RBFOX1: variants seen among roughly 807,000 people sequenced by gnomAD.
The protein encoded by RBFOX1 is RNA binding fox-1 homolog 1, also known as RNA binding protein fox-1 homolog 1.
In RBFOX1, 8 loss-of-function variants were observed where a neutral mutation model predicts 57.7. The ratio of observed to expected loss-of-function variants is 0.14; its 90% CI spans 0.08 to 0.25. The LOEUF is 0.25. Ranked by LOEUF, RBFOX1 falls within the 10% of genes least tolerant of loss-of-function variation. The pLI is 1.00. For synonymous variants in RBFOX1, 326 were observed against 222.4 expected (o/e 1.47, Z -4.15); for missense variants, 611 against 548.5 (o/e 1.11, Z -1.14).
At chr16:6,519,970 G>T (rs1410253749) in intron 2 of RBFOX1, among the ~76,000 whole-genome samples, 3 of 152,096 alleles carry the variant, frequency 2.0e-5, no homozygotes, top group African/African-American at 4.8e-5. Context: ...CAGTAGGCAT[G>T]GTATTAAACT....
chr16:5,780,057 G>A lies in RBFOX1; in HGVS notation c.319-87246G>A, dbSNP rs572099953. ...CTTGCTGTGTCGCCCCGGCTGGAGT[G>A]TAGTGGCACAATCTCGGCTCACTGA... is the stretch of plus-strand genomic sequence containing the variant. On this transcript the variant is annotated intron_variant, in intron 3 of 19. Coordinates refer to the RBFOX1 transcript ENST00000641259. Among the ~76,000 whole-genome samples the A allele has an allele frequency of 1.1e-3, 168 of 152,350 alleles. 2 individuals carry two copies. Among genetic ancestry groups the A allele is most frequent in the African/African-American group, 3.8e-3 (158 of 41,582 alleles).
intron 4 of RBFOX1, chr16:7,510,145 A>G: frequency 1.0e-6 from 1 of 985,722 alleles, no homozygotes; most frequent in Non-Finnish European, 1.2e-6. Flanking sequence ...GAGGTCAGCC[A>G]GGCGGCCTCA....
chr16:6,375,970 G>C (rs762757423), intron 2 of RBFOX1, among the ~76,000 whole-genome samples: 1 of 152,134 alleles, frequency 6.6e-6, no homozygotes, highest in Non-Finnish European at 1.5e-5. Flanking sequence ...GGATCACCCT[G>C]CTGCCTCCAG....
rs149087596 is a variant in RBFOX1 at position 6,877,614 on chromosome 16, A to G, written c.-15-174443A>G. On this transcript the variant is annotated intron_variant, in intron 3 of 15. Transcript: ENST00000550418. ...ACAATAACCGTGTCTTTGCATTTGC[A>G]TATTGCTTTAGAGTTCACAAAGCAT... 6.8e-3 allele frequency among the ~76,000 whole-genome samples: 1,043 copies of G among 152,306 alleles called. 10 individuals carry two copies. The highest frequency in any genetic ancestry group is 0.024 in the African/African-American group (986 of 41,574).
intron 1 of RBFOX1, among the ~76,000 whole-genome samples, chr16:5,454,413 C>T (rs1236597464): frequency 6.6e-6 from 1 of 152,180 alleles, no homozygotes. Flanking sequence ...CTTGGTTGGA[C>T]CACAGTGCCT....
intron 3 of RBFOX1, among the ~76,000 whole-genome samples, chr16:6,870,121 A>G (rs1299665885): frequency 6.6e-6 from 1 of 152,154 alleles, no homozygotes; most frequent in Non-Finnish European, 1.5e-5. Flanking sequence ...GATTTTTTGC[A>G]TAAGGCTCTT....
rs374545272 is a variant in RBFOX1, at chr16:5,827,402, G to GAAAAAA, written c.319-39901_319-39900insAAAAAA. 4.7e-4 allele frequency among the ~76,000 whole-genome samples: 47 copies of GAAAAAA among 100,328 alleles called. 2 individuals carry two copies. Among genetic ancestry groups the GAAAAAA allele is most frequent in the African/African-American group, 1.2e-3 (33 of 27,032 alleles). 65.8% of individuals were successfully genotyped at this position (100,328 alleles called of 152,430 possible). A position where few individuals can be genotyped will look rare whatever the true frequency, so the allele number is the denominator to read the frequency against. On this transcript the variant is annotated intron_variant, in intron 3 of 19. Transcript: ENST00000641259. ...ATGACAGAGCAAGACTCCATCTCAG[G>GAAAAAA]GAAAAAAAAAAAAAAAAAAGAAAAG...
chr16:5,832,613 A>G (rs559262243), intron 3 of RBFOX1, among the ~76,000 whole-genome samples: 1 of 152,160 alleles, frequency 6.6e-6, no homozygotes, highest in Admixed American at 6.5e-5. Context: ...CACCTATTTG[A>G]TGTCTCTCCC....
intron 1 of RBFOX1, among the ~76,000 whole-genome samples, chr16:6,227,509 G>A (rs767759624): frequency 6.6e-6 from 1 of 152,200 alleles, no homozygotes; most frequent in African/African-American, 2.4e-5. Flanking sequence ...CGTGGAGCCA[G>A]TGATACAGAA....
chr16:7,087,316 T>G (rs2060141335), intron 4 of RBFOX1, among the ~76,000 whole-genome samples: 1 of 152,088 alleles, frequency 6.6e-6, no homozygotes, highest in South Asian at 2.1e-4. Context: ...ATTCCACCAG[T>G]GGGGCTTCCG....
At chr16:6,726,401 T>C (rs1199301400) in intron 3 of RBFOX1, among the ~76,000 whole-genome samples, 1 of 151,780 alleles carries the variant, frequency 6.6e-6, no homozygotes, top group African/African-American at 2.4e-5. Context: ...TTTTTTCTTT[T>C]TTTTTTTTTA....
intron 4 of RBFOX1, among the ~76,000 whole-genome samples, chr16:7,306,599 G>GTA (rs1398658913): frequency 6.6e-6 from 1 of 151,722 alleles, no homozygotes; most frequent in Non-Finnish European, 1.5e-5. Flanking sequence ...GTGTGTGTGT[G>GTA]TGTGTATTTT....
intron 14 of RBFOX1, among the ~76,000 whole-genome samples, chr16:7,677,755 AAT>A (rs1286978005): frequency 1.3e-5 from 2 of 152,214 alleles, no homozygotes; most frequent in Non-Finnish European, 2.9e-5. Context: ...TTATTTTAAA[AAT>A]ATGTTTCACG....
intron 3 of RBFOX1, among the ~76,000 whole-genome samples, chr16:7,000,098 A>G: frequency 6.6e-6 from 1 of 151,844 alleles, no homozygotes; most frequent in East Asian, 1.9e-4. Flanking sequence ...AGATTATTTA[A>G]GTAGGTGTCC....
At chr16:7,081,496 G>C (rs533626890) in intron 4 of RBFOX1, among the ~76,000 whole-genome samples, 2 of 152,244 alleles carry the variant, frequency 1.3e-5, no homozygotes, top group South Asian at 4.1e-4. Context: ...ACCTCCCAAG[G>C]CTAGAAAAAT....
At chr16:7,204,199 C>T (rs1056168562) in intron 4 of RBFOX1, among the ~76,000 whole-genome samples, 2 of 152,216 alleles carry the variant, frequency 1.3e-5, no homozygotes, top group Non-Finnish European at 1.5e-5. Context: ...GATCCATTCT[C>T]AATGAACCAT....
intron 1 of RBFOX1, among the ~76,000 whole-genome samples, chr16:5,347,876 A>C (rs1215447990): frequency 7.9e-6 from 1 of 126,272 alleles, no homozygotes; most frequent in Non-Finnish European, 1.6e-5. Context: ...TCAATAATGC[A>C]CTCACCCACC....
rs531914036 is a variant in RBFOX1, at chr16:6,044,778, G to C, written c.-127+24786G>C. ...AAGATCCTACAGTGGCATGAGGCGT[G>C]AACTCTGAACTGCCTGTCTGGGACA... On this transcript the variant is annotated intron_variant, in intron 1 of 15. Coordinates refer to ENST00000550418, the MANE Select transcript of RBFOX1 (RefSeq NM_018723.4). Among the ~76,000 whole-genome samples, 5 of 152,344 alleles carry C rather than the reference G, an allele frequency of 3.3e-5. No homozygotes were observed. The South Asian group carries it at 1.0e-3, about 32-fold the overall frequency.
At chr16:7,444,108 G>A (rs1423202008) in intron 4 of RBFOX1, among the ~76,000 whole-genome samples, 5 of 152,170 alleles carry the variant, frequency 3.3e-5, no homozygotes, top group Admixed American at 1.3e-4. Flanking sequence ...GATGAATCAC[G>A]TTATTATACT....
Sources: allele counts gnomAD v4.1 joint callset (sites outside exome capture counted in the v4.1 genomes callset), GRCh38; gene constraint gnomAD v4.1.1; transcripts MANE v1.5; gene names NCBI Gene and HGNC (gene_info 2026-07-23, HGNC 2026-07-21).